SHISA9: variants seen among roughly 807,000 people sequenced by gnomAD.
SHISA9 encodes protein shisa-9.
A neutral mutation model predicts 38.0 loss-of-function variants in SHISA9; 13 were observed. That is an observed-to-expected ratio of 0.34 (90% CI 0.22 to 0.54). SHISA9 has a LOEUF of 0.54. Among genes scored for constraint, SHISA9 ranks in the 20% least tolerant of loss-of-function variants. The pLI, the probability that SHISA9 is intolerant of heterozygous loss-of-function variation, is 0.91. For synonymous variants in SHISA9, 275 were observed against 242.0 expected (o/e 1.14, Z -1.27); for missense variants, 538 against 575.8 (o/e 0.93, Z 0.67).
At chr16:13,473,478 A>T in the SHISA9 span, among the ~76,000 whole-genome samples, 1 of 150,892 alleles carries the variant, frequency 6.6e-6, no homozygotes, top group Admixed American at 6.6e-5. Context: ...TCCCTTTGGA[A>T]TTTGTGATTA....
the SHISA9 span, among the ~76,000 whole-genome samples, chr16:13,369,676 G>A: frequency 1.3e-5 from 2 of 152,192 alleles, no homozygotes; most frequent in East Asian, 3.9e-4. Context: ...GAGCAGAACC[G>A]CATGCATTAA....
chr16:13,095,481 A>G (rs1373249993), intron 2 of SHISA9, among the ~76,000 whole-genome samples: 7 of 152,238 alleles, frequency 4.6e-5, no homozygotes, highest in Admixed American at 3.3e-4. Flanking sequence ...GGGAAAACGA[A>G]AAGGGAAATG....
chr16:13,001,866 G>A (rs945717586), intron 2 of SHISA9, among the ~76,000 whole-genome samples: 2 of 152,208 alleles, frequency 1.3e-5, no homozygotes, highest in African/African-American at 4.8e-5. Flanking sequence ...TGAGTGGGTA[G>A]AGGGGAGGGT....
intron 1 of SHISA9, among the ~76,000 whole-genome samples, chr16:12,914,796 T>G (rs972757126): frequency 4.6e-5 from 7 of 152,222 alleles, no homozygotes; most frequent in African/African-American, 1.7e-4. Flanking sequence ...AGCAGATTCT[T>G]GCAGGTTGCT....
chr16:12,998,856 A>C (rs1332665970), intron 2 of SHISA9, among the ~76,000 whole-genome samples: 1 of 152,184 alleles, frequency 6.6e-6, no homozygotes, highest in South Asian at 2.1e-4. Flanking sequence ...AGTACAGTTG[A>C]TCCTCATTAT....
At chr16:13,489,813 T>C in the SHISA9 span, among the ~76,000 whole-genome samples, 1 of 152,156 alleles carries the variant, frequency 6.6e-6, no homozygotes, top group East Asian at 1.9e-4. Context: ...CTTCATTACA[T>C]AAATGGGGAA....
the SHISA9 span, among the ~76,000 whole-genome samples, chr16:13,460,527 A>C: frequency 6.6e-6 from 1 of 152,222 alleles, no homozygotes; most frequent in Non-Finnish European, 1.5e-5. Context: ...AAGAATGTGT[A>C]ATTCCTCCAA....
At chr16:13,141,880 T>C (rs1444152049) in intron 2 of SHISA9, among the ~76,000 whole-genome samples, 2 of 152,196 alleles carry the variant, frequency 1.3e-5, no homozygotes, top group African/African-American at 4.8e-5. Flanking sequence ...GGCTAATCAC[T>C]GCCTCCCTTT....
chr16:13,286,715 TAGGACAGCA>T, the SHISA9 span, among the ~76,000 whole-genome samples: 1 of 152,188 alleles, frequency 6.6e-6, no homozygotes, highest in Non-Finnish European at 1.5e-5. Context: ...AAAAGTATCC[TAGGACAGCA>T]GACATCCATA....
At chr16:13,158,230 A>T (rs561968305) in intron 2 of SHISA9, among the ~76,000 whole-genome samples, 1 of 152,180 alleles carries the variant, frequency 6.6e-6, no homozygotes, top group Non-Finnish European at 1.5e-5. Flanking sequence ...ACTGACCAAC[A>T]TTCAGATCCC....
the SHISA9 span, among the ~76,000 whole-genome samples, chr16:13,360,739 C>T: frequency 3.2e-3 from 493 of 152,200 alleles, 1 homozygote; most frequent in Non-Finnish European, 5.4e-3. Context: ...TAGGTGGAGC[C>T]GAGGAGCTTA....
At chr16:13,072,903 C>T (rs2073535323) in intron 2 of SHISA9, among the ~76,000 whole-genome samples, 1 of 152,158 alleles carries the variant, frequency 6.6e-6, no homozygotes, top group Admixed American at 6.5e-5. Context: ...TCAAGTGATC[C>T]ACCCACCTCG....
intron 2 of SHISA9, among the ~76,000 whole-genome samples, chr16:13,002,203 G>A (rs2072533984): frequency 6.6e-6 from 1 of 152,170 alleles, no homozygotes; most frequent in African/African-American, 2.4e-5. Flanking sequence ...CAAAAGTCTG[G>A]ATGATCAGAG....
chr16:13,023,371 A>T (rs538994697), intron 2 of SHISA9, among the ~76,000 whole-genome samples: 43 of 152,304 alleles, frequency 2.8e-4, no homozygotes, highest in African/African-American at 9.9e-4. Context: ...ATGGCTGCAC[A>T]GTATTCCATG....
intron 4 of SHISA9, among the ~76,000 whole-genome samples, chr16:13,225,973 C>T (rs1244082326): frequency 2.6e-5 from 4 of 152,208 alleles, no homozygotes; most frequent in Non-Finnish European, 5.9e-5. Flanking sequence ...TTGAAAGGCT[C>T]ACACATCTGT....
At chr16:13,248,771 G>A in the SHISA9 span, among the ~76,000 whole-genome samples, 2 of 152,114 alleles carry the variant, frequency 1.3e-5, no homozygotes, top group African/African-American at 2.4e-5. Context: ...CCCAGAAAGC[G>A]ATCCTGAGAT....
intron 2 of SHISA9, among the ~76,000 whole-genome samples, chr16:13,162,646 T>C (rs1029670814): frequency 6.6e-6 from 1 of 152,220 alleles, no homozygotes; most frequent in African/African-American, 2.4e-5. Context: ...GACAGTGTGT[T>C]ACACACAGGA....
the SHISA9 span, among the ~76,000 whole-genome samples, chr16:13,542,722 C>A: frequency 7.2e-5 from 11 of 152,232 alleles, no homozygotes; most frequent in East Asian, 1.7e-3. Flanking sequence ...TAAGTTAACT[C>A]GCTTAAATCA....
At chr16:13,402,098 C>T in the SHISA9 span, among the ~76,000 whole-genome samples, 2 of 152,126 alleles carry the variant, frequency 1.3e-5, no homozygotes, top group Non-Finnish European at 2.9e-5. Flanking sequence ...ACCATATAAT[C>T]AGTGTTCTCC....
Sources: allele counts gnomAD v4.1 joint callset (sites outside exome capture counted in the v4.1 genomes callset), GRCh38; gene constraint gnomAD v4.1.1; transcripts MANE v1.5; gene names NCBI Gene and HGNC (gene_info 2026-07-23, HGNC 2026-07-21).